Variants in ANO7 observed in about 807,000 individuals in gnomAD.
The protein encoded by ANO7 is anoctamin-7.
A neutral mutation model predicts 115.8 loss-of-function variants in ANO7; 114 were observed. That is an observed-to-expected ratio of 0.98 (90% CI 0.85 to 1.15). The LOEUF is 1.15. Ranked by LOEUF, ANO7 falls within the 50% of genes most tolerant of loss-of-function variation. ANO7 has a pLI of 0.00. For missense variants in ANO7, 1,302 were observed against 1,201.2 expected, an observed-to-expected ratio of 1.08 and a Z score of -1.24; for synonymous variants, 550 against 498.2, an observed-to-expected ratio of 1.10 and a Z score of -1.38.
intron 3 of ANO7, among the ~76,000 whole-genome samples, chr2:241,193,552 C>T (rs2068253725): frequency 6.6e-6 from 1 of 151,244 alleles, no homozygotes; most frequent in South Asian, 2.1e-4. Flanking sequence ...CCCCACCCTT[C>T]ATTCCAAGAC....
chr2:241,210,251 C>T (rs754231063), intron 13 of ANO7, 44 bp from the exon 14 acceptor site: 3 of 1,602,002 alleles, frequency 1.9e-6, no homozygotes, highest in East Asian at 4.5e-5. Flanking sequence ...GCTGGGGTGC[C>T]CAAGACACCG....
In ANO7 at chr2:241,217,698, G is replaced by A; in HGVS notation, c.1985G>A (p.Gly662Asp). Reference sequence around the variant, plus strand: ...CCCCTCCCCGCAGTGCTGCAGTTCGGCTTCGTCACCATCTTCGTGGCCGCC... The same window carrying A: ...CCCCTCCCCGCAGTGCTGCAGTTCGACTTCGTCACCATCTTCGTGGCCGCC... The part of the protein sequence containing the change: ...DEYLEMVLQF[G>D]FVTIFVAACP... Residue 662 changes from glycine to aspartate, a missense_variant, in exon 20 of 25, where the codon GGC (glycine) becomes GAC (aspartate). By Grantham distance (94) the Gly-to-Asp change is moderately conservative. Coordinates refer to ENST00000674324, the MANE Select transcript of ANO7 (RefSeq NM_001370694.2). 1 of 1,589,340 alleles carries A rather than the reference G, an allele frequency of 6.3e-7. No individual in the cohort carries two copies. The highest frequency in any genetic ancestry group is 8.6e-7 in the Non-Finnish European group (1 of 1,168,640).
At chr2:241,235,277 T>C in the ANO7 span, 16 of 1,613,902 alleles carry the variant, frequency 9.9e-6, no homozygotes, top group Middle Eastern at 6.6e-4. Context: ...GGGGGCTGAC[T>C]TGACGTTCAG....
intron 7 of ANO7, among the ~76,000 whole-genome samples, chr2:241,201,854 T>C (rs540141475): frequency 1.1e-4 from 17 of 152,180 alleles, no homozygotes; most frequent in African/African-American, 4.1e-4. Flanking sequence ...CAGGCTGCAG[T>C]GTTCACCGTC....
At chr2:241,235,408 G>A in the ANO7 span, 2 of 1,455,770 alleles carry the variant, frequency 1.4e-6, no homozygotes, top group African/African-American at 1.4e-5. Context: ...GAGTCAACAG[G>A]AAGTTGAGAA....
intron 4 of ANO7, 161 bp from the exon 5 acceptor site, chr2:241,199,155 C>T (rs1366188985): frequency 6.0e-6 from 4 of 667,320 alleles, no homozygotes; most frequent in African/African-American, 1.8e-5. Context: ...AGAGGCGTAT[C>T]CATGGGAGTA....
intron 11 of ANO7, among the ~76,000 whole-genome samples, chr2:241,208,929 C>G (rs1352741048): frequency 2.6e-5 from 4 of 152,066 alleles, no homozygotes; most frequent in Non-Finnish European, 5.9e-5. Context: ...GCGGGTGGAT[C>G]ACAAGGTCAG....
rs1189193908 is a variant in ANO7, at chr2:241,199,427, C to T, written c.417+4C>T. 19 of 1,613,396 alleles carry T rather than the reference C, an allele frequency of 1.2e-5. No homozygotes were observed. Among genetic ancestry groups the T allele is most frequent in the East Asian group, 2.2e-5 (1 of 44,890 alleles). ...GCGCCTGAAGCTGCCCTTGCAGGTA[C>T]GTGGGAGGCATGGGGACAGGGTGGG... is the stretch of plus-strand genomic sequence containing the variant. On this transcript the variant is annotated splice_donor_region_variant and intron_variant, in intron 5 of 24. Transcript: ENST00000674324.
intron 18 of ANO7, among the ~76,000 whole-genome samples, chr2:241,215,556 A>G (rs1003702254): frequency 1.4e-4 from 21 of 152,220 alleles, no homozygotes; most frequent in Non-Finnish European, 2.8e-4. Context: ...ACATCCCGAG[A>G]GATGGCCCTG....
chr2:241,191,398 G>C (rs2068200140), intron 3 of ANO7, 147 bp downstream of exon 3: 8 of 936,834 alleles, frequency 8.5e-6, no homozygotes, highest in Non-Finnish European at 1.3e-5. Flanking sequence ...ACTGGGGTGA[G>C]GGCCTCGGGG....
Position 241,210,535 on chromosome 2 carries a change from T to G in ANO7, c.1526T>G (p.Ile509Ser), listed in dbSNP as rs534689646. 6.2e-7 allele frequency: 1 copy of G among 1,613,962 alleles called. No homozygotes were observed. The highest frequency in any genetic ancestry group is 2.2e-5 in the East Asian group (1 of 44,878). ...GTCTTCATCCTCATCCTCTCCAAGA[T>G]CTATGTATCCCTGGCCCACGTCCTG... is the stretch of plus-strand genomic sequence containing the variant. ...NLVFILILSK[I>S]YVSLAHVLTR... The change falls in exon 15 of 25, where the codon ATC becomes AGC. Residue 509 changes from isoleucine to serine, a missense_variant. Physicochemically the swap from Ile to Ser is moderately radical, Grantham distance 142 (BLOSUM62 -2). Transcript: ENST00000674324.
Position 241,200,245 on chromosome 2 carries a change from A to G in ANO7, c.554+20A>G, listed in dbSNP as rs2068437821. On this transcript the variant is annotated intron_variant, in intron 6 of 24. Transcript: ENST00000674324. Reference sequence around the variant, plus strand: ...GCCACGGTAAGGCAGGGGCCCTGCCAGTCGGAGGAAAGAACAGGAGTGAGT... The same window carrying G: ...GCCACGGTAAGGCAGGGGCCCTGCCGGTCGGAGGAAAGAACAGGAGTGAGT... 1 of 1,608,762 alleles carries G rather than the reference A, an allele frequency of 6.2e-7. No individual in the cohort carries two copies. Among genetic ancestry groups the G allele is most frequent in the Non-Finnish European group, 8.5e-7 (1 of 1,177,718 alleles).
Position 241,212,599 on chromosome 2 carries a change from C to T in ANO7, c.1701C>T (p.His567=). The change falls in exon 17 of 25, where the codon CAC becomes CAT. Residue 567 remains histidine, a synonymous_variant. Coordinates refer to ENST00000674324, the MANE Select transcript of ANO7 (RefSeq NM_001370694.2). ...GRFVGYPGNY[H]TLFGVRNEEC... is the part of the protein sequence containing the mutation. The stretch of plus-strand genomic sequence containing the variant: ...TTGTGGGATACCCAGGCAACTACCA[C>T]ACCTTGTTTGGAGTCCGCAATGAGG... The T allele has an allele frequency of 6.2e-7, 1 of 1,613,474 alleles. No homozygotes were observed. Among genetic ancestry groups the T allele is most frequent in the South Asian group, 1.1e-5 (1 of 90,804 alleles).
chr2:241,202,020 A>C (rs1454486503), intron 7 of ANO7, among the ~76,000 whole-genome samples, 174 bp from the exon 8 acceptor site: 1 of 152,224 alleles, frequency 6.6e-6, no homozygotes, highest in African/African-American at 2.4e-5. Flanking sequence ...GGCGTCCTGC[A>C]TGTGCATGTG....
chr2:241,195,581 C>A, intron 3 of ANO7, 122 bp from the exon 4 acceptor site: 1 of 911,786 alleles, frequency 1.1e-6, no homozygotes, highest in South Asian at 1.6e-5. Context: ...GGGAAGGAAC[C>A]GGCCCTGAGT....
intron 7 of ANO7, 37 bp from the exon 8 acceptor site, chr2:241,202,157 G>T: frequency 6.3e-7 from 1 of 1,578,046 alleles, no homozygotes; most frequent in South Asian, 1.1e-5. Flanking sequence ...GCTATCACGT[G>T]ACAAGTGACC....
chr2:241,197,311 G>A (rs369057307), intron 4 of ANO7, among the ~76,000 whole-genome samples: 2 of 152,160 alleles, frequency 1.3e-5, no homozygotes, highest in Non-Finnish European at 2.9e-5. Context: ...TATTGCCCAG[G>A]CTGGTCTTGA....
intron 21 of ANO7, among the ~76,000 whole-genome samples, chr2:241,222,108 C>T (rs1425841805): frequency 2.0e-5 from 3 of 152,030 alleles, no homozygotes; most frequent in Non-Finnish European, 4.4e-5. Context: ...GTGGCACGGG[C>T]CTGTAGTCCC....
At chr2:241,215,899 G>A (rs950405014) in intron 18 of ANO7, among the ~76,000 whole-genome samples, 194 bp from the exon 19 acceptor site, 13 of 152,290 alleles carry the variant, frequency 8.5e-5, no homozygotes, top group African/African-American at 2.2e-4. Flanking sequence ...AGACACAGAC[G>A]CTTTCACTGA....
Sources: allele counts gnomAD v4.1 joint callset (sites outside exome capture counted in the v4.1 genomes callset), GRCh38; gene constraint gnomAD v4.1.1; transcripts MANE v1.5; gene names NCBI Gene and HGNC (gene_info 2026-07-23, HGNC 2026-07-21).